MAGI2: variants seen among roughly 807,000 people sequenced by gnomAD.
MAGI2 encodes the protein membrane-associated guanylate kinase, WW and PDZ domain-containing protein 2.
In MAGI2, 35 loss-of-function variants were observed where a neutral mutation model predicts 133.3. The observed-to-expected ratio is 0.26, with a 90% CI of 0.20 to 0.35. MAGI2 has a LOEUF of 0.35. MAGI2 is among the 10% of genes least tolerant of loss of function. The probability of loss-of-function intolerance (pLI) is 1.00; values close to 1 mark genes in which losing one functional copy is unlikely to be tolerated. For synonymous variants in MAGI2, 729 were observed against 710.6 expected (o/e 1.03, Z -0.41); for missense variants, 1,636 against 1,863.4 (o/e 0.88, Z 2.25).
Position 78,463,995 on chromosome 7 carries a change from T to C in MAGI2, c.1045+25766A>G, listed in dbSNP as rs570259951. On this transcript the variant is annotated intron_variant, in intron 6 of 21. Coordinates refer to ENST00000354212, the MANE Select transcript of MAGI2 (RefSeq NM_012301.4). ...TTAACCCATCAATGTCTCATTTATATGTAAAATGGGAATTGTTGCAAAGGT... is the reference window on the plus strand; with the variant it reads ...TTAACCCATCAATGTCTCATTTATACGTAAAATGGGAATTGTTGCAAAGGT... 2.4e-4 allele frequency among the ~76,000 whole-genome samples: 36 copies of C among 152,250 alleles called. No individual in the cohort carries two copies. In the South Asian group the frequency reaches 4.8e-3, roughly 20 times the overall value.
chr7:78,301,069 G>C (rs1017850378), intron 9 of MAGI2, among the ~76,000 whole-genome samples: 1 of 152,172 alleles, frequency 6.6e-6, no homozygotes, highest in Non-Finnish European at 1.5e-5. Context: ...TATACAATGA[G>C]TGGTGGAACT....
intron 20 of MAGI2, among the ~76,000 whole-genome samples, chr7:78,095,495 T>A (rs1271956628): frequency 6.6e-6 from 1 of 152,178 alleles, no homozygotes; most frequent in African/African-American, 2.4e-5. Context: ...TTCTATCTTT[T>A]CTCAGTTCTT....
chr7:78,688,915 C>T (rs13243808), intron 2 of MAGI2, among the ~76,000 whole-genome samples: 89,085 of 151,970 alleles, frequency 0.59, 27,390 homozygotes, highest in African/African-American at 0.78. Context: ...CATAATATGC[C>T]TAGGGTTTGT....
chr7:78,636,724 G>C (rs989409344), intron 2 of MAGI2, among the ~76,000 whole-genome samples: 1 of 152,120 alleles, frequency 6.6e-6, no homozygotes, highest in African/African-American at 2.4e-5. Flanking sequence ...CGTGAACCCG[G>C]GAGGCGGGGT....
chr7:78,297,936 G>GTAAC (rs1312563464), intron 9 of MAGI2, among the ~76,000 whole-genome samples: 1 of 148,686 alleles, frequency 6.7e-6, no homozygotes, highest in South Asian at 2.1e-4. Context: ...GTATACATAT[G>GTAAC]TAACTAACCT....
At chr7:78,865,213 A>G (rs1480745861) in intron 2 of MAGI2, among the ~76,000 whole-genome samples, 1 of 152,164 alleles carries the variant, frequency 6.6e-6, no homozygotes, top group Non-Finnish European at 1.5e-5. Flanking sequence ...AAAAGGAAAG[A>G]TGATATTGGG....
At chr7:78,536,746 T>G (rs1584539200) in intron 3 of MAGI2, among the ~76,000 whole-genome samples, 2 of 131,686 alleles carry the variant, frequency 1.5e-5, no homozygotes, top group Middle Eastern at 7.9e-3. Context: ...GTTTTTTTTT[T>G]GTTTTTGTTG....
chr7:78,293,054 C>T (rs1375603062), intron 9 of MAGI2, among the ~76,000 whole-genome samples: 1 of 152,170 alleles, frequency 6.6e-6, no homozygotes, highest in East Asian at 1.9e-4. Flanking sequence ...ACACCAAAAG[C>T]AATGGCAACA....
At chr7:78,108,640 G>C (rs867882954) in intron 20 of MAGI2, among the ~76,000 whole-genome samples, 1 of 71,388 alleles carries the variant, frequency 1.4e-5, no homozygotes, top group Non-Finnish European at 3.1e-5. Context: ...CTCTCTCTCT[G>C]TATGTGTGTG....
chr7:78,771,931 T>G (rs1447960359), intron 2 of MAGI2, among the ~76,000 whole-genome samples: 2 of 152,172 alleles, frequency 1.3e-5, no homozygotes, highest in Non-Finnish European at 2.9e-5. Context: ...CTGTCTTAAA[T>G]AGAAAATAAA....
At chr7:78,727,099 C>A (rs73152411) in intron 2 of MAGI2, among the ~76,000 whole-genome samples, 8,584 of 152,088 alleles carry the variant, frequency 0.056, 286 homozygotes, top group Non-Finnish European at 0.068. Context: ...TGGCTCAAAT[C>A]AATTAATGTT....
intron 21 of MAGI2, among the ~76,000 whole-genome samples, chr7:78,027,267 G>A (rs1277108272): frequency 2.0e-5 from 3 of 152,136 alleles, no homozygotes; most frequent in African/African-American, 4.8e-5. Context: ...ACTCTCAAAC[G>A]CCATTTGTGT....
intron 2 of MAGI2, among the ~76,000 whole-genome samples, chr7:78,970,180 G>A (rs1019384462): frequency 6.6e-6 from 1 of 151,760 alleles, no homozygotes; most frequent in African/African-American, 2.4e-5. Context: ...TTAAATCCTT[G>A]TAAGAAAACT....
At chr7:78,133,096 G>A (rs1337058214) in intron 17 of MAGI2, 36 bp from the exon 18 acceptor site, 1 of 1,491,090 alleles carries the variant, frequency 6.7e-7, no homozygotes. Context: ...ATGCAGTCAG[G>A]TTAGTGTTGA....
intron 3 of MAGI2, among the ~76,000 whole-genome samples, chr7:78,597,589 C>T (rs188627418): frequency 3.3e-5 from 5 of 152,258 alleles, no homozygotes; most frequent in African/African-American, 1.2e-4. Flanking sequence ...AGGCAGAGAT[C>T]ATTTATACAT....
chr7:78,788,673 A>G (rs764022113), intron 2 of MAGI2, among the ~76,000 whole-genome samples: 1 of 152,096 alleles, frequency 6.6e-6, no homozygotes, highest in Non-Finnish European at 1.5e-5. Context: ...TTAGAACTGA[A>G]CTAGGAAAGT....
intron 2 of MAGI2, among the ~76,000 whole-genome samples, chr7:78,742,635 G>A (rs946252077): frequency 1.3e-5 from 2 of 152,162 alleles, no homozygotes; most frequent in Admixed American, 6.5e-5. Flanking sequence ...ATGTAAAGAT[G>A]TATTTTCCAA....
intron 10 of MAGI2, among the ~76,000 whole-genome samples, chr7:78,208,035 A>T (rs925465882): frequency 1.3e-5 from 2 of 151,130 alleles, no homozygotes; most frequent in African/African-American, 4.9e-5. Context: ...ATGCCCGGCT[A>T]ATTTTTGTAT....
intron 2 of MAGI2, among the ~76,000 whole-genome samples, chr7:78,707,373 T>A (rs572330430): frequency 1.4e-4 from 21 of 152,238 alleles, no homozygotes; most frequent in African/African-American, 4.1e-4. Flanking sequence ...GAAAGGTGAA[T>A]CTGTGACTAT....
Sources: gnomAD v4.1 joint callset for allele counts (sites outside exome capture counted in the v4.1 genomes callset) on GRCh38, gnomAD v4.1.1 for gene constraint, MANE v1.5 for transcripts, NCBI Gene and HGNC (gene_info 2026-07-23, HGNC 2026-07-21) for gene names.